The following SPEG variants were observed in gnomAD, a reference collection of about 807,000 sequenced individuals.
SPEG encodes striated muscle preferentially expressed protein kinase.
Under a neutral mutation model 300.4 loss-of-function variants are expected in SPEG, and 114 were observed. That is an observed-to-expected ratio of 0.38 (90% CI 0.33 to 0.44). The LOEUF is 0.44. Ranked by LOEUF, SPEG falls within the 20% of genes least tolerant of loss-of-function variation. The probability of loss-of-function intolerance (pLI) is 1.00; values close to 1 mark genes in which losing one functional copy is unlikely to be tolerated. For missense variants in SPEG, 4,201 were observed against 4,586.2 expected (o/e 0.92, Z 2.43); for synonymous variants, 1,964 against 2,018.9 (o/e 0.97, Z 0.73).
At chr2:219,472,745 TG>T (rs1235002674) in intron 15 of SPEG, 144 bp from the exon 16 acceptor site, 5 of 654,066 alleles carry the variant, frequency 7.6e-6, no homozygotes, top group African/African-American at 3.7e-5. Flanking sequence ...CAAGAGCAGA[TG>T]GGGGGACAGG....
chr2:219,479,057 C>A lies in SPEG; in HGVS notation c.5028-87C>A. ...AAGCATTCTGTAAGGGGAAGGAGAACCCCGTGCTGAGCTGGGACCTGCCCT... is the reference window on the plus strand; with the variant it reads ...AAGCATTCTGTAAGGGGAAGGAGAAACCCGTGCTGAGCTGGGACCTGCCCT... On this transcript the variant is annotated intron_variant, in intron 22 of 40. Coordinates refer to ENST00000312358, the MANE Select transcript of SPEG (RefSeq NM_005876.5). This position sits in a 1 kb window ranked among gnomAD's most constrained non-coding sequence, Gnocchi z 5.5. The A allele has an allele frequency of 8.5e-7, 1 of 1,183,210 alleles. No individual in the cohort carries two copies. Among genetic ancestry groups the A allele is most frequent in the Non-Finnish European group, 1.2e-6 (1 of 802,184 alleles). 73.3% of individuals were successfully genotyped at this position (1,183,210 alleles called of 1,614,324 possible).
In SPEG at chr2:219,480,580, A is replaced by G; in HGVS notation, c.5343-91A>G. ...CCATGGCAGTGTTCCCAGGGAGGTA[A>G]CAGCTCACTCAGGTCAGCAGTAGCA... On this transcript the variant is annotated intron_variant, in intron 25 of 40. Coordinates refer to ENST00000312358, the MANE Select transcript of SPEG (RefSeq NM_005876.5). This position sits in a 1 kb window ranked among gnomAD's most constrained non-coding sequence, Gnocchi z 5.3. The G allele has an allele frequency of 1.5e-6, 2 of 1,354,832 alleles. No individual in the cohort carries two copies. Among genetic ancestry groups the G allele is most frequent in the Non-Finnish European group, 2.1e-6 (2 of 945,350 alleles). The allele number at this position is 1,354,832 out of a possible 1,614,324, so 83.9% of individuals were successfully genotyped here.
chr2:219,484,178 G>T lies in SPEG; in HGVS notation c.6715G>T (p.Ala2239Ser). Residue 2239 changes from alanine to serine, a missense_variant, in exon 30 of 41, where the codon GCG (alanine) becomes TCG (serine). Coordinates refer to ENST00000312358, the MANE Select transcript of SPEG (RefSeq NM_005876.5). ...APPPQALQTL[A>S]LPLTPYAQII... The stretch of plus-strand genomic sequence containing the variant: ...ACCCCCCCAGGCCCTGCAAACCCTA[G>T]CGCTGCCCCTCACACCCTATGCTCA... 6.2e-7 allele frequency: 1 copy of T among 1,612,122 alleles called. No homozygotes were observed. Among genetic ancestry groups the T allele is most frequent in the Non-Finnish European group, 8.5e-7 (1 of 1,179,564 alleles).
chr2:219,476,278 A>C (rs2125509611), intron 18 of SPEG, among the ~76,000 whole-genome samples: 1 of 152,310 alleles, frequency 6.6e-6, no homozygotes, highest in Non-Finnish European at 1.5e-5. Context: ...TATTAATAGA[A>C]GCCCCTCTAA....
chr2:219,450,160 G>A (rs1049158214), intron 4 of SPEG, among the ~76,000 whole-genome samples: 1 of 152,190 alleles, frequency 6.6e-6, no homozygotes, highest in Admixed American at 6.5e-5. Flanking sequence ...AGAATCTTTA[G>A]AGATAATTAG....
At position 219,451,354 on chromosome 2, in the gene SPEG, C is replaced by T. The variant is rs895940129; in HGVS notation, c.2257+75C>T. 9.1e-5 allele frequency: 137 copies of T among 1,504,442 alleles called. No homozygotes were observed. Among genetic ancestry groups the T allele is most frequent in the East Asian group, 1.7e-4 (7 of 42,182 alleles). The allele number at this position is 1,504,442 out of a possible 1,614,324, so 93.2% of individuals were successfully genotyped here. ...GTGAGAAGGGAAGGGGAGGTTCCCC[C>T]GGACTCCTCCAAGGGAGGGGTGGGA... On this transcript the variant is annotated intron_variant, in intron 5 of 40. Transcript: ENST00000312358. This position sits in a 1 kb window ranked among gnomAD's most constrained non-coding sequence, Gnocchi z 6.4.
At position 219,465,330 on chromosome 2, in the gene SPEG, C is replaced by T. The variant is rs192319667; in HGVS notation, c.2881+722C>T. On this transcript the variant is annotated intron_variant, in intron 9 of 40. Transcript: ENST00000312358. ...TCAATGGCTCCTCGCTTCCTCTCCT[C>T]GCTTCTCACTCAGCCCCCAGCCCCT... 598 of 153,442 alleles carry T rather than the reference C, an allele frequency of 3.9e-3. 2 individuals carry two copies. The highest frequency in any genetic ancestry group is 5.9e-3 in the Non-Finnish European group (405 of 68,820). The allele number at this position is 153,442 out of a possible 1,614,324, so 9.5% of individuals were successfully genotyped here. A position where few individuals can be genotyped will look rare whatever the true frequency, so the allele number is the denominator to read the frequency against.
chr2:219,487,906 G>A (rs1693592077), intron 31 of SPEG, among the ~76,000 whole-genome samples: 1 of 152,182 alleles, frequency 6.6e-6, no homozygotes, highest in South Asian at 2.1e-4. Flanking sequence ...CTTAGTGCCA[G>A]GCCCTGCTCT....
At chr2:219,467,999 A>G (rs1691526944) in intron 10 of SPEG, among the ~76,000 whole-genome samples, 2 of 152,222 alleles carry the variant, frequency 1.3e-5, no homozygotes, top group Admixed American at 1.3e-4. Flanking sequence ...GGCAGAGATT[A>G]TGGCACCTGC....
chr2:219,479,720 C>T lies in SPEG; in HGVS notation c.5086-63C>T, dbSNP rs1298233544. 3.3e-6 allele frequency: 5 copies of T among 1,513,652 alleles called. No individual in the cohort carries two copies. Among genetic ancestry groups the T allele is most frequent in the Non-Finnish European group, 4.6e-6 (5 of 1,090,972 alleles). 93.8% of individuals were successfully genotyped at this position (1,513,652 alleles called of 1,614,324 possible). A position where few individuals can be genotyped will look rare whatever the true frequency, so the allele number is the denominator to read the frequency against. On this transcript the variant is annotated intron_variant, in intron 23 of 40. Coordinates refer to ENST00000312358, the MANE Select transcript of SPEG (RefSeq NM_005876.5). This position sits in a 1 kb window ranked among gnomAD's most constrained non-coding sequence, Gnocchi z 5.5. Reference sequence around the variant, plus strand: ...CAGGCACAGCCGGACCGCTTGCCGCCCTGGAGGTGTTCAGACATACACCAC... The same window carrying T: ...CAGGCACAGCCGGACCGCTTGCCGCTCTGGAGGTGTTCAGACATACACCAC...
Position 219,483,394 on chromosome 2 carries a change from A to T in SPEG, c.5931A>T (p.Gly1977=). 1 of 1,596,336 alleles carries T rather than the reference A, an allele frequency of 6.3e-7. No homozygotes were observed. The highest frequency in any genetic ancestry group is 8.5e-7 in the Non-Finnish European group (1 of 1,175,590). The change falls in exon 30 of 41, where the codon GGA becomes GGT. Residue 1977 remains glycine, a synonymous_variant. Coordinates refer to ENST00000312358, the MANE Select transcript of SPEG (RefSeq NM_005876.5). The part of the protein sequence containing the change: ...AATPMDWQEQ[G]RAPSQDQEAP... ...CCCCCATGGACTGGCAGGAGCAGGG[A>T]AGGGCTCCCTCTCAGGACCAGGAGG... is the stretch of plus-strand genomic sequence containing the variant.
Position 219,435,077 on chromosome 2 carries a change from G to A in SPEG, c.100G>A (p.Gly34Arg), listed in dbSNP as rs758386846. ...PKRAKVGAGG[G>R]APVAVAGAPV... ...AAGGGCCAAGGTGGGGGCCGGCGGC[G>A]GGGCTCCTGTGGCCGTGGCCGGGGC... The change falls in exon 1 of 41, where the codon GGG (glycine) becomes AGG (arginine). Residue 34 changes from glycine to arginine, a missense_variant. Coordinates refer to ENST00000312358, the MANE Select transcript of SPEG (RefSeq NM_005876.5). The A allele has an allele frequency of 2.0e-6, 3 of 1,469,592 alleles. No individual in the cohort carries two copies. In the South Asian group the frequency reaches 3.9e-5, roughly 19 times the overall value. The allele number at this position is 1,469,592 out of a possible 1,614,324, so 91.0% of individuals were successfully genotyped here. A position where few individuals can be genotyped will look rare whatever the true frequency, so the allele number is the denominator to read the frequency against.
intron 4 of SPEG, among the ~76,000 whole-genome samples, chr2:219,450,052 G>A (rs542739527): frequency 4.6e-5 from 7 of 152,262 alleles, no homozygotes; most frequent in Non-Finnish European, 1.0e-4. Flanking sequence ...GCCTCTACCT[G>A]CTGCTCCTGG....
chr2:219,438,522 C>A (rs1406955465), intron 1 of SPEG, among the ~76,000 whole-genome samples: 1 of 152,220 alleles, frequency 6.6e-6, no homozygotes, highest in African/African-American at 2.4e-5. Flanking sequence ...GATAGGCAGG[C>A]ATTCTTCTTT....
chr2:219,477,135 G>T lies in SPEG; in HGVS notation c.4561-142G>T. ...GCAGAGGACTGACTAGCTGAGGGGTGCAGGGCTTTCTGTGGGAGATAAGGG... is the reference window on the plus strand; with the variant it reads ...GCAGAGGACTGACTAGCTGAGGGGTTCAGGGCTTTCTGTGGGAGATAAGGG... On this transcript the variant is annotated intron_variant, in intron 19 of 40. Coordinates refer to ENST00000312358, the MANE Select transcript of SPEG (RefSeq NM_005876.5). The surrounding 1 kb of genome is among the most constrained non-coding windows in gnomAD (Gnocchi z 6.4). 2.0e-6 allele frequency: 2 copies of T among 985,638 alleles called. No homozygotes were observed. The highest frequency in any genetic ancestry group is 1.5e-6 in the Non-Finnish European group (1 of 677,038). The allele number at this position is 985,638 out of a possible 1,614,324, so 61.1% of individuals were successfully genotyped here. A position where few individuals can be genotyped will look rare whatever the true frequency, so the allele number is the denominator to read the frequency against.
chr2:219,468,712 C>T lies in SPEG; in HGVS notation c.3277C>T (p.Pro1093Ser). 1.2e-6 allele frequency: 2 copies of T among 1,614,156 alleles called. No individual in the cohort carries two copies. Among genetic ancestry groups the T allele is most frequent in the Non-Finnish European group, 8.5e-7 (1 of 1,179,996 alleles). ...CTGCAAGATCAGTGGCACCCCGCCC[C>T]CTGTTGTTACCTGGACTCATTTTGG... Reference protein sequence around the residue: ...FDCKISGTPPPVVTWTHFGCP... With the variant: ...FDCKISGTPPSVVTWTHFGCP... Residue 1093 changes from proline to serine, a missense_variant, in exon 11 of 41, where the codon CCT becomes TCT. Pro to Ser is a moderately conservative substitution (Grantham distance 74, BLOSUM62 -1). This residue lies in a region of SPEG where 1,047 missense variants were observed against 1,356.8 expected (regional missense o/e 0.77). Coordinates refer to ENST00000312358, the MANE Select transcript of SPEG (RefSeq NM_005876.5).
chr2:219,462,333 A>G lies in SPEG; in HGVS notation c.2652A>G (p.Gln884=). The G allele has an allele frequency of 6.4e-7, 1 of 1,570,288 alleles. No individual in the cohort carries two copies. The highest frequency in any genetic ancestry group is 8.6e-7 in the Non-Finnish European group (1 of 1,156,474). ...SLMDQSVREG[Q]DVIMSIRVQG... is the part of the protein sequence containing the mutation. ...TGGACCAGTCAGTAAGAGAAGGCCA[A>G]GATGTCATCATGAGCATCCGCGTGC... is the stretch of plus-strand genomic sequence containing the variant. Residue 884 remains glutamine, a synonymous_variant, in exon 8 of 41, where the codon CAA becomes CAG. Transcript: ENST00000312358.
Position 219,464,426 on chromosome 2 carries a change from C to G in SPEG, c.2706-7C>G, listed in dbSNP as rs1334479371. The G allele has an allele frequency of 6.2e-7, 1 of 1,606,406 alleles. No individual in the cohort carries two copies. Among genetic ancestry groups the G allele is most frequent in the African/African-American group, 1.3e-5 (1 of 74,934 alleles). On this transcript the variant is annotated splice_region_variant and splice_polypyrimidine_tract_variant and intron_variant, in intron 8 of 40. Coordinates refer to ENST00000312358, the MANE Select transcript of SPEG (RefSeq NM_005876.5). This position sits in a 1 kb window ranked among gnomAD's most constrained non-coding sequence, Gnocchi z 4.5. ...GCCCTGGGACTGAGTTCTTGCCCCT[C>G]TGACAGGCTGAGAAACCGCCAGCCC...
Position 219,489,441 on chromosome 2 carries a change from C to A in SPEG, c.8423C>A (p.Ala2808Asp), listed in dbSNP as rs1559432553. 18 of 1,612,778 alleles carry A rather than the reference C, an allele frequency of 1.1e-5. No individual in the cohort carries two copies. The South Asian group carries it at 1.6e-4, about 15-fold the overall frequency. Residue 2808 changes from alanine to aspartate, a missense_variant, in exon 36 of 41, where the codon GCT becomes GAT. Physicochemically the swap from Ala to Asp is moderately radical, Grantham distance 126 (BLOSUM62 -2). Transcript: ENST00000312358. ...CCTACCTCACTGGCCCCACCCCTAG[C>A]TCCTGCTGCCCCCACACCCCCGTCA... ...DSPTSLAPPL[A>D]PAAPTPPSVT...
Sources: allele counts gnomAD v4.1 joint callset (sites outside exome capture counted in the v4.1 genomes callset), GRCh38; gene constraint gnomAD v4.1.1; regional missense constraint gnomAD v4.1.1; non-coding constraint Gnocchi (gnomAD v3.1); transcripts MANE v1.5; gene names NCBI Gene and HGNC (gene_info 2026-07-23, HGNC 2026-07-21).